Variants in HESX1 observed in about 807,000 individuals in gnomAD.
HESX1 encodes HESX homeobox 1, also known as homeobox expressed in ES cells 1.
Under a neutral mutation model 22.5 loss-of-function variants are expected in HESX1, and 11 were observed. The ratio of observed to expected loss-of-function variants is 0.49; its 90% CI spans 0.31 to 0.81. The LOEUF (loss-of-function observed/expected upper bound fraction) is 0.81, where lower values mean the gene tolerates loss of function less well. HESX1 is among the 30% of genes least tolerant of loss of function. The probability of loss-of-function intolerance (pLI) is 0.05; values close to 1 mark genes in which losing one functional copy is unlikely to be tolerated. For synonymous variants in HESX1, 74 were observed against 76.5 expected (o/e 0.97, Z 0.17); for missense variants, 201 against 212.6 (o/e 0.95, Z 0.34).
intron 1 of HESX1, among the ~76,000 whole-genome samples, chr3:57,223,554 C>T (rs1348714679): frequency 1.3e-5 from 2 of 152,168 alleles, no homozygotes; most frequent in African/African-American, 2.4e-5. Flanking sequence ...AGTGCCCTCC[C>T]ACCTCTTTTT....
At position 57,198,460 on chromosome 3, in the gene HESX1, GT is replaced by G. The variant is rs2060462273; in HGVS notation, c.389del (p.Asn130ThrfsTer12). The G allele has an allele frequency of 6.2e-7, 1 of 1,603,170 alleles. No individual in the cohort carries two copies. Among genetic ancestry groups the G allele is most frequent in the Non-Finnish European group, 8.5e-7 (1 of 1,171,144 alleles). On this transcript the variant is annotated frameshift_variant, in exon 3 of 4. Coordinates refer to ENST00000295934, the MANE Select transcript of HESX1 (RefSeq NM_003865.3). LOFTEE classifies it high-confidence loss of function. Reference protein sequence around the residue: ...IEVLENVFRVNCYPGIDIRED... With the variant: ...IEVLENVFRVXCYPGIDIRED... ...CTCTAATATCGATACCAGGATAGCAGTTTACTCTAAAGACATTTTCTAACAC... is the reference window on the plus strand; with the variant it reads ...CTCTAATATCGATACCAGGATAGCAGTTACTCTAAAGACATTTTCTAACAC...
intron 1 of HESX1, among the ~76,000 whole-genome samples, chr3:57,206,432 A>G (rs2060519674): frequency 6.6e-6 from 1 of 152,230 alleles, no homozygotes; most frequent in Non-Finnish European, 1.5e-5. Flanking sequence ...TGGTCTGGCA[A>G]TATGCTGGGT....
chr3:57,207,836 A>G (rs749623074), intron 1 of HESX1, among the ~76,000 whole-genome samples: 2 of 152,222 alleles, frequency 1.3e-5, no homozygotes, highest in Non-Finnish European at 2.9e-5. Flanking sequence ...TACTCTGGAT[A>G]AGTTAAAGAG....
At chr3:57,207,895 T>C (rs2060528679) in intron 1 of HESX1, among the ~76,000 whole-genome samples, 1 of 152,234 alleles carries the variant, frequency 6.6e-6, no homozygotes, top group Non-Finnish European at 1.5e-5. Context: ...TGGCCAATAC[T>C]CACTGTTATA....
chr3:57,199,453 A>C (rs978975834), intron 1 of HESX1, among the ~76,000 whole-genome samples: 1 of 151,922 alleles, frequency 6.6e-6, no homozygotes, highest in African/African-American at 2.4e-5. Context: ...ACCCCCCTCT[A>C]CTAAAAAATA....
At chr3:57,225,383 G>T (rs995005309) in intron 1 of HESX1, among the ~76,000 whole-genome samples, 2 of 151,802 alleles carry the variant, frequency 1.3e-5, no homozygotes, top group African/African-American at 4.8e-5. Context: ...ACAGAGTTTC[G>T]CTCTGTCGCC....
intron 1 of HESX1, among the ~76,000 whole-genome samples, chr3:57,215,093 C>T (rs1198942131): frequency 2.0e-5 from 3 of 152,092 alleles, no homozygotes; most frequent in Admixed American, 1.3e-4. Flanking sequence ...TAGGGAATAA[C>T]TTTATCTAGA....
chr3:57,201,902 T>G (rs1161748572), upstream of HESX1, among the ~76,000 whole-genome samples: 2 of 151,762 alleles, frequency 1.3e-5, no homozygotes, highest in Non-Finnish European at 2.9e-5. Flanking sequence ...TATCTATCTA[T>G]CTATCTATCT....
intron 1 of HESX1, among the ~76,000 whole-genome samples, chr3:57,220,992 C>T (rs148192863): frequency 0.024 from 3,629 of 152,178 alleles, 67 homozygotes; most frequent in South Asian, 0.039. Flanking sequence ...TTAGGGGTGA[C>T]GGCTTCTGCC....
intron 1 of HESX1, among the ~76,000 whole-genome samples, chr3:57,216,266 G>T (rs767002610): frequency 6.6e-6 from 1 of 152,046 alleles, no homozygotes; most frequent in Non-Finnish European, 1.5e-5. Flanking sequence ...TCATGACCTC[G>T]ACACTTTTCA....
upstream of HESX1, among the ~76,000 whole-genome samples, chr3:57,204,224 G>A (rs1224727060): frequency 1.3e-5 from 2 of 151,948 alleles, no homozygotes; most frequent in East Asian, 3.9e-4. Flanking sequence ...TCACTATGTT[G>A]TCCAGGCTGA....
chr3:57,218,955 A>G (rs2060599655), intron 1 of HESX1, among the ~76,000 whole-genome samples: 1 of 152,256 alleles, frequency 6.6e-6, no homozygotes, highest in Admixed American at 6.5e-5. Context: ...GCTGGGTTGA[A>G]TGGTAGTTCT....
At position 57,198,970 on chromosome 3, in the gene HESX1, A is replaced by T. The variant is rs1352681107; in HGVS notation, c.158-18T>A. On this transcript the variant is annotated intron_variant, in intron 1 of 3. Transcript: ENST00000295934. Reference sequence around the variant, plus strand: ...ATCTTTCCCTAAAAACAAAAAAATAAGCCCTGTCTTAGATGGTCAATCTTA... The same window carrying T: ...ATCTTTCCCTAAAAACAAAAAAATATGCCCTGTCTTAGATGGTCAATCTTA... 2.5e-6 allele frequency: 4 copies of T among 1,607,298 alleles called. No individual in the cohort carries two copies. Among genetic ancestry groups the T allele is most frequent in the Non-Finnish European group, 3.4e-6 (4 of 1,173,766 alleles).
intron 1 of HESX1, among the ~76,000 whole-genome samples, chr3:57,207,035 C>A (rs755382312): frequency 6.6e-6 from 1 of 152,080 alleles, no homozygotes; most frequent in Admixed American, 6.6e-5. Context: ...GCAACCTGCA[C>A]CTCCTGGGTT....
At position 57,198,934 on chromosome 3, in the gene HESX1, C is replaced by CAT; in HGVS notation, c.174_175dup (p.Cys59TyrfsTer42). 6.2e-7 allele frequency: 1 copy of CAT among 1,614,124 alleles called. No individual in the cohort carries two copies. The highest frequency in any genetic ancestry group is 8.5e-7 in the Non-Finnish European group (1 of 1,180,000). On this transcript the variant is annotated frameshift_variant, in exon 2 of 4. Transcript: ENST00000295934. LOFTEE classifies it high-confidence loss of function. Reference sequence around the variant, plus strand: ...ACTGGGAGGATTTGGGACATGTAGACATAAGTTACCATCTTTCCCTAAAAA... The same window carrying CAT: ...ACTGGGAGGATTTGGGACATGTAGACATATAAGTTACCATCTTTCCCTAAAAA...
At chr3:57,211,061 A>C (rs2060550146) in intron 1 of HESX1, among the ~76,000 whole-genome samples, 1 of 151,974 alleles carries the variant, frequency 6.6e-6, no homozygotes, top group Non-Finnish European at 1.5e-5. Flanking sequence ...TCTACTAAAA[A>C]TACAAAATTA....
chr3:57,211,527 C>CAAAAAAAAAAA lies in HESX1; in HGVS notation c.-110-11510_-110-11500dup, dbSNP rs61137408. On this transcript the variant is annotated intron_variant, in intron 1 of 2. Transcript: ENST00000495160. ...TCTGGGTGACAGAGAGAGACCTTGT[C>CAAAAAAAAAAA]AAAAAAAAAAAAAAAAAAAAAAAAG... Among the ~76,000 whole-genome samples, 139 of 31,980 alleles carry CAAAAAAAAAAA rather than the reference C, an allele frequency of 4.3e-3. 28 individuals are homozygous for CAAAAAAAAAAA. Among genetic ancestry groups the CAAAAAAAAAAA allele is most frequent in the African/African-American group, 0.013 (78 of 5,860 alleles). The allele number at this position is 31,980 out of a possible 152,430, so 21.0% of individuals were successfully genotyped here. A position where few individuals can be genotyped will look rare whatever the true frequency, so the allele number is the denominator to read the frequency against.
chr3:57,219,801 C>G (rs547591625), intron 1 of HESX1, among the ~76,000 whole-genome samples: 3 of 152,266 alleles, frequency 2.0e-5, no homozygotes, highest in Admixed American at 1.3e-4. Flanking sequence ...TCTGTTTACT[C>G]TGTTGATATT....
chr3:57,215,162 T>C (rs2060576316), intron 1 of HESX1, among the ~76,000 whole-genome samples: 2 of 152,194 alleles, frequency 1.3e-5, no homozygotes, highest in African/African-American at 4.8e-5. Context: ...GAGTTCATTT[T>C]AGTACTAGAA....
Sources: allele counts gnomAD v4.1 joint callset (sites outside exome capture counted in the v4.1 genomes callset), GRCh38; gene constraint gnomAD v4.1.1; transcripts MANE v1.5; gene names NCBI Gene and HGNC (gene_info 2026-07-23, HGNC 2026-07-21).